The following TTC27 variants were observed in gnomAD, a reference collection of about 807,000 sequenced individuals.
TTC27 encodes the protein tetratricopeptide repeat domain 27.
TTC27 carries 79 observed loss-of-function variants against 115.9 expected under a neutral mutation model. The ratio of observed to expected loss-of-function variants is 0.68; its 90% confidence interval spans 0.57 to 0.82. TTC27 has a LOEUF of 0.82. Among genes scored for constraint, TTC27 ranks in the 40% least tolerant of loss-of-function variants. TTC27 has a pLI of 0.00. For synonymous variants in TTC27, 401 were observed against 356.0 expected (o/e 1.13, Z -1.42); for missense variants, 1,054 against 993.1 (o/e 1.06, Z -0.82).
intron 10 of TTC27, among the ~76,000 whole-genome samples, chr2:32,728,710 C>A (rs1217451476): frequency 6.6e-6 from 1 of 152,144 alleles, no homozygotes; most frequent in Non-Finnish European, 1.5e-5. Context: ...TTGGGCAAGT[C>A]ATTTTTATCT....
intron 1 of TTC27, 39 bp downstream of exon 1, chr2:32,628,419 A>T: frequency 6.6e-7 from 1 of 1,506,698 alleles, no homozygotes; most frequent in Non-Finnish European, 8.9e-7. Context: ...CTATCGTGGG[A>T]ACTGTGAGGA....
At chr2:32,637,294 T>G (rs1394122909) in intron 3 of TTC27, among the ~76,000 whole-genome samples, 1 of 152,140 alleles carries the variant, frequency 6.6e-6, no homozygotes, top group East Asian at 1.9e-4. Flanking sequence ...GACATATTTC[T>G]TGTCTCAGAG....
Position 32,820,969 on chromosome 2 carries a change from C to A in TTC27, c.*31C>A, listed in dbSNP as rs965785042. The A allele has an allele frequency of 6.9e-7, 1 of 1,448,884 alleles. No homozygotes were observed. The highest frequency in any genetic ancestry group is 9.2e-7 in the Non-Finnish European group (1 of 1,087,494). The allele number at this position is 1,448,884 out of a possible 1,614,324, so 89.8% of individuals were successfully genotyped here. A position where few individuals can be genotyped will look rare whatever the true frequency, so the allele number is the denominator to read the frequency against. On this transcript the variant is annotated 3_prime_UTR_variant, in exon 20 of 20. Transcript: ENST00000317907. ...CTGGAAGCAGATTCTGGAAAAGGTGCTTTCACCTGCTGGTAAAAGATACAT... is the reference window on the plus strand; with the variant it reads ...CTGGAAGCAGATTCTGGAAAAGGTGATTTCACCTGCTGGTAAAAGATACAT...
intron 15 of TTC27, 80 bp downstream of exon 15, chr2:32,782,758 A>G (rs887331088): frequency 4.7e-5 from 56 of 1,179,678 alleles, no homozygotes; most frequent in East Asian, 3.5e-4. Context: ...CATTGTTTCA[A>G]TGTTTCTCCT....
At chr2:32,806,632 A>G (rs957772369) in intron 16 of TTC27, among the ~76,000 whole-genome samples, 1 of 152,114 alleles carries the variant, frequency 6.6e-6, no homozygotes, top group Non-Finnish European at 1.5e-5. Context: ...TACAGAAAAA[A>G]TTAGCCGGGC....
At chr2:32,804,109 T>A (rs943553592) in intron 16 of TTC27, among the ~76,000 whole-genome samples, 1 of 152,126 alleles carries the variant, frequency 6.6e-6, no homozygotes, top group Non-Finnish European at 1.5e-5. Flanking sequence ...AAGTTTAACT[T>A]AACTAATAAT....
intron 9 of TTC27, among the ~76,000 whole-genome samples, chr2:32,683,336 G>C (rs1341068465): frequency 6.6e-6 from 1 of 152,132 alleles, no homozygotes; most frequent in African/African-American, 2.4e-5. Context: ...CACTTGGAGA[G>C]ACAGGGACAG....
chr2:32,782,208 G>GA, intron 14 of TTC27, among the ~76,000 whole-genome samples: 1 of 152,210 alleles, frequency 6.6e-6, no homozygotes, highest in South Asian at 2.1e-4. Flanking sequence ...TAACACTGGA[G>GA]AACAGATTTT....
chr2:32,680,105 G>A (rs559813626), intron 9 of TTC27, among the ~76,000 whole-genome samples: 3 of 152,174 alleles, frequency 2.0e-5, no homozygotes, highest in South Asian at 4.2e-4. Context: ...GTGTTAAGTC[G>A]TTTGAGTCCT....
chr2:32,665,255 A>G (rs1040336745), intron 6 of TTC27, among the ~76,000 whole-genome samples: 1 of 152,126 alleles, frequency 6.6e-6, no homozygotes, highest in African/African-American at 2.4e-5. Flanking sequence ...ACCTTTTGTT[A>G]CATTGTGTGT....
intron 9 of TTC27, among the ~76,000 whole-genome samples, chr2:32,698,243 C>T (rs1195939796): frequency 1.3e-5 from 2 of 152,020 alleles, no homozygotes; most frequent in Non-Finnish European, 2.9e-5. Flanking sequence ...GATCCTTCCA[C>T]TTCAGCCTCC....
intron 4 of TTC27, among the ~76,000 whole-genome samples, chr2:32,643,706 G>A (rs114535692): frequency 6.6e-6 from 1 of 152,056 alleles, no homozygotes; most frequent in African/African-American, 2.4e-5. Flanking sequence ...GAGTGAGACG[G>A]TTTTTAAGTT....
chr2:32,820,721 A>T, intron 19 of TTC27, 95 bp from the exon 20 acceptor site: 2 of 1,164,754 alleles, frequency 1.7e-6, no homozygotes, highest in Non-Finnish European at 2.2e-6. Flanking sequence ...TAGTATTATT[A>T]TGCAAAAGGT....
At chr2:32,718,369 A>G (rs559824054) in intron 10 of TTC27, among the ~76,000 whole-genome samples, 3 of 152,228 alleles carry the variant, frequency 2.0e-5, no homozygotes, top group South Asian at 2.1e-4. Context: ...CCAATTAATA[A>G]TATTTAGTCC....
chr2:32,722,463 A>C (rs1385386001), intron 10 of TTC27, among the ~76,000 whole-genome samples: 1 of 152,204 alleles, frequency 6.6e-6, no homozygotes, highest in African/African-American at 2.4e-5. Flanking sequence ...CTCATATGCC[A>C]GGTGGTAACT....
intron 4 of TTC27, among the ~76,000 whole-genome samples, chr2:32,644,329 C>T (rs892831984): frequency 2.7e-5 from 4 of 149,578 alleles, no homozygotes; most frequent in Admixed American, 1.3e-4. Context: ...CCAGCCGAGG[C>T]GACAGAGTGA....
intron 10 of TTC27, among the ~76,000 whole-genome samples, chr2:32,725,281 C>T (rs373773707): frequency 1.8e-4 from 27 of 152,082 alleles, no homozygotes; most frequent in East Asian, 1.5e-3. Flanking sequence ...GTCCACATTC[C>T]GAAGTCTCAT....
intron 10 of TTC27, among the ~76,000 whole-genome samples, chr2:32,708,101 C>G (rs953210045): frequency 4.6e-5 from 7 of 152,048 alleles, no homozygotes; most frequent in African/African-American, 7.2e-5. Flanking sequence ...TTGAACTATA[C>G]AGGTTCGCTT....
chr2:32,759,517 G>C (rs530307075), intron 13 of TTC27, among the ~76,000 whole-genome samples: 1 of 152,144 alleles, frequency 6.6e-6, no homozygotes, highest in East Asian at 1.9e-4. Flanking sequence ...CAGCACTTTG[G>C]GAGGCCAAGG....
Sources: allele counts gnomAD v4.1 joint callset (sites outside exome capture counted in the v4.1 genomes callset), GRCh38; gene constraint gnomAD v4.1.1; transcripts MANE v1.5; gene names NCBI Gene and HGNC (gene_info 2026-07-23, HGNC 2026-07-21).